STRAP: variants seen among roughly 807,000 people sequenced by gnomAD.
The protein encoded by STRAP is serine-threonine kinase receptor-associated protein.
STRAP carries 16 observed loss-of-function variants against 47.0 expected under a neutral mutation model. The ratio of observed to expected loss-of-function variants is 0.34; its 90% CI spans 0.23 to 0.52. STRAP has a LOEUF of 0.52. Among genes scored for constraint, STRAP ranks in the 20% least tolerant of loss-of-function variants. STRAP has a pLI of 0.96. For missense variants in STRAP, 293 were observed against 420.0 expected, an observed-to-expected ratio of 0.70 and a Z score of 2.64; for synonymous variants, 130 against 142.7, an observed-to-expected ratio of 0.91 and a Z score of 0.63.
Position 15,882,520 on chromosome 12 carries a change from G to A in STRAP, c.-188G>A, listed in dbSNP as rs1014589231. ...CGTCGACTGTTGCTTGCTGGTCGCA[G>A]ACTCCCTGACCCCTCCCTCACCCCT... On this transcript the variant is annotated 5_prime_UTR_variant, in exon 1 of 10. Transcript: ENST00000419869. 2 of 555,224 alleles carry A rather than the reference G, an allele frequency of 3.6e-6. No homozygotes were observed. Among genetic ancestry groups the A allele is most frequent in the African/African-American group, 3.8e-5 (2 of 52,466 alleles). 34.4% of individuals were successfully genotyped at this position (555,224 alleles called of 1,614,324 possible).
chr12:15,885,386 G>A (rs1192155740), intron 2 of STRAP, among the ~76,000 whole-genome samples: 3 of 151,174 alleles, frequency 2.0e-5, no homozygotes, highest in African/African-American at 4.9e-5. Context: ...ACGGGGTTTC[G>A]CCATGTTGGC....
intron 1 of STRAP, among the ~76,000 whole-genome samples, 179 bp from the exon 2 acceptor site, chr12:15,883,362 C>T (rs778565298): frequency 3.9e-5 from 6 of 152,202 alleles, no homozygotes; most frequent in Non-Finnish European, 5.9e-5. Flanking sequence ...ATGATCTGTT[C>T]AGCTCTTCAG....
At chr12:15,889,436 A>T (rs780803530) in intron 2 of STRAP, among the ~76,000 whole-genome samples, 1 of 148,702 alleles carries the variant, frequency 6.7e-6, no homozygotes, top group Non-Finnish European at 1.5e-5. Flanking sequence ...AATTTTACTT[A>T]GCCTGTACCA....
chr12:15,892,457 A>G, intron 4 of STRAP, among the ~76,000 whole-genome samples: 2 of 152,250 alleles, frequency 1.3e-5, no homozygotes, highest in East Asian at 3.9e-4. Context: ...CATGACAAAC[A>G]TAATTTTGTT....
In STRAP at chr12:15,888,024, A is replaced by G. The variant is rs1947985382; in HGVS notation, c.249-1904A>G. Among the ~76,000 whole-genome samples the G allele has an allele frequency of 2.0e-5, 3 of 152,364 alleles. No homozygotes were observed. In the South Asian group the frequency reaches 6.2e-4, roughly 32 times the overall value. Reference sequence around the variant, plus strand: ...CTAATACTTGTGAACCCTTACCACAACCATGAAATGCATTTCACTGTGATT... The same window carrying G: ...CTAATACTTGTGAACCCTTACCACAGCCATGAAATGCATTTCACTGTGATT... On this transcript the variant is annotated intron_variant, in intron 2 of 9. Transcript: ENST00000419869.
chr12:15,894,183 G>A lies in STRAP; in HGVS notation c.500+40G>A. The A allele has an allele frequency of 6.5e-7, 1 of 1,527,612 alleles. No individual in the cohort carries two copies. The highest frequency in any genetic ancestry group is 1.1e-5 in the South Asian group (1 of 89,062). The allele number at this position is 1,527,612 out of a possible 1,614,324, so 94.6% of individuals were successfully genotyped here. A position where few individuals can be genotyped will look rare whatever the true frequency, so the allele number is the denominator to read the frequency against. ...TTTAATAATTTACAATTTAAGGCCG[G>A]GCATGGTGGCTCACGCCTATAATCT... On this transcript the variant is annotated intron_variant, in intron 5 of 9. Coordinates refer to ENST00000419869, the MANE Select transcript of STRAP (RefSeq NM_007178.4). This position sits in a 1 kb window ranked among gnomAD's most constrained non-coding sequence, Gnocchi z 4.9.
At chr12:15,892,213 A>C in intron 4 of STRAP, among the ~76,000 whole-genome samples, 1 of 151,942 alleles carries the variant, frequency 6.6e-6, no homozygotes, top group Non-Finnish European at 1.5e-5. Flanking sequence ...CTGTTGTGTT[A>C]TTCATGTTTT....
chr12:15,891,669 G>A lies in STRAP; in HGVS notation c.403+1000G>A, dbSNP rs967970453. Reference sequence around the variant, plus strand: ...TGGAATTGTTGGAAGGTGGCCGGGCGCAGTGGCTCACGCCTGTAATCCCAG... The same window carrying A: ...TGGAATTGTTGGAAGGTGGCCGGGCACAGTGGCTCACGCCTGTAATCCCAG... On this transcript the variant is annotated intron_variant, in intron 4 of 9. Transcript: ENST00000419869. Among the ~76,000 whole-genome samples, 7 of 152,326 alleles carry A rather than the reference G, an allele frequency of 4.6e-5. No homozygotes were observed. In the South Asian group the frequency reaches 1.4e-3, roughly 32 times the overall value.
rs1393846141 is a variant in STRAP at position 15,894,128 on chromosome 12, A to G, written c.485A>G (p.Asp162Gly). ...CSEDKQILSADDKTVRLWDHA... is the reference protein window; with the variant it reads ...CSEDKQILSAGDKTVRLWDHA... ...GAGGATAAACAGATTCTTTCTGCTG[A>G]TGACAAAACTGTTCGGTAAGTAATT... Residue 162 changes from aspartate to glycine, a missense_variant, in exon 5 of 10, where the codon GAT becomes GGT. Around this residue, in one of 5 missense-constraint regions of STRAP, gnomAD observed 152 missense variants for 183.0 expected, o/e 0.83. Coordinates refer to ENST00000419869, the MANE Select transcript of STRAP (RefSeq NM_007178.4). This position sits in a 1 kb window ranked among gnomAD's most constrained non-coding sequence, Gnocchi z 4.9. 6.2e-7 allele frequency: 1 copy of G among 1,613,124 alleles called. No homozygotes were observed. The highest frequency in any genetic ancestry group is 8.5e-7 in the Non-Finnish European group (1 of 1,179,590).
Position 15,882,460 on chromosome 12 carries a change from C to G in STRAP, c.-248C>G, listed in dbSNP as rs1004170607. The G allele has an allele frequency of 3.8e-6, 2 of 532,936 alleles. No homozygotes were observed. The highest frequency in any genetic ancestry group is 1.9e-5 in the African/African-American group (1 of 52,094). The allele number at this position is 532,936 out of a possible 1,614,324, so 33.0% of individuals were successfully genotyped here. A position where few individuals can be genotyped will look rare whatever the true frequency, so the allele number is the denominator to read the frequency against. ...GGCCCGGTTCTCCGCTTCTCCCCAT[C>G]CCCTACTTTCCTCCCTCCCTCCCTT... On this transcript the variant is annotated 5_prime_UTR_variant, in exon 1 of 10. In the 5' UTR this introduces an upstream ATG that the reference lacks. Coordinates refer to ENST00000419869, the MANE Select transcript of STRAP (RefSeq NM_007178.4).
In STRAP at chr12:15,901,860, C is replaced by CA. The variant is rs71042273; in HGVS notation, c.991+868dup. 3.0e-3 allele frequency among the ~76,000 whole-genome samples: 260 copies of CA among 87,588 alleles called. 2 individuals are homozygous for CA. The highest frequency in any genetic ancestry group is 5.4e-3 in the African/African-American group (124 of 22,950). 57.5% of individuals were successfully genotyped at this position (87,588 alleles called of 152,430 possible). On this transcript the variant is annotated intron_variant, in intron 9 of 9. Coordinates refer to ENST00000419869, the MANE Select transcript of STRAP (RefSeq NM_007178.4). ...TGGGTGTCAGAGAGAGACTCTGTCT[C>CA]AAAAAAAAAAAAAAAAAAAAGGTTG... is the stretch of plus-strand genomic sequence containing the variant.
intron 1 of STRAP, 135 bp downstream of exon 1, chr12:15,882,954 A>C: frequency 7.4e-7 from 1 of 1,349,130 alleles, no homozygotes; most frequent in Non-Finnish European, 1.0e-6. Context: ...ATGAGAGCCA[A>C]CACTGGTCCG....
chr12:15,883,738 A>G lies in STRAP; in HGVS notation c.248+62A>G. 7.6e-6 allele frequency: 12 copies of G among 1,585,192 alleles called. 1 individual carries two copies. In the South Asian group the frequency reaches 1.0e-4, roughly 14 times the overall value. ...TGTAGCTTGTGTCCTGAAATAATCA[A>G]AAACTTCAGTGTCAGATATTCATAA... On this transcript the variant is annotated intron_variant, in intron 2 of 9. Transcript: ENST00000419869.
Position 15,888,626 on chromosome 12 carries a change from CCTT to C in STRAP, c.249-1298_249-1296del, listed in dbSNP as rs1166391473. 3.3e-5 allele frequency among the ~76,000 whole-genome samples: 5 copies of C among 152,178 alleles called. No individual in the cohort carries two copies. The East Asian group carries it at 9.6e-4, about 29-fold the overall frequency. Reference sequence around the variant, plus strand: ...TTAATGCTTATCTAGAATAGCCTTCCCTTCTTTTTCCCCTGATATATTTCTCTT... The same window carrying C: ...TTAATGCTTATCTAGAATAGCCTTCCCTTTTTCCCCTGATATATTTCTCTT... On this transcript the variant is annotated intron_variant, in intron 2 of 9. Coordinates refer to ENST00000419869, the MANE Select transcript of STRAP (RefSeq NM_007178.4).
At chr12:15,893,094 T>C (rs1284460389) in intron 4 of STRAP, among the ~76,000 whole-genome samples, 4 of 152,202 alleles carry the variant, frequency 2.6e-5, no homozygotes, top group African/African-American at 4.8e-5. Context: ...TTGCCTCCAG[T>C]GTCTGCTTTT....
At chr12:15,901,191 A>G (rs1257279182) in intron 9 of STRAP, among the ~76,000 whole-genome samples, 179 bp downstream of exon 9, 2 of 152,212 alleles carry the variant, frequency 1.3e-5, no homozygotes, top group African/African-American at 4.8e-5. Flanking sequence ...TTAAATACCT[A>G]CTGCATAGTA....
chr12:15,882,655 A>G lies in STRAP; in HGVS notation c.-53A>G. 1.3e-6 allele frequency: 2 copies of G among 1,491,168 alleles called. No homozygotes were observed. Among genetic ancestry groups the G allele is most frequent in the Non-Finnish European group, 1.8e-6 (2 of 1,092,376 alleles). 92.4% of individuals were successfully genotyped at this position (1,491,168 alleles called of 1,614,324 possible). On this transcript the variant is annotated 5_prime_UTR_variant, in exon 1 of 10. Transcript: ENST00000419869. ...CGAGGCACTGCAGCAGAAGAGAGAA[A>G]AGACAACGACGACCCTCAGCTCGCC...
intron 4 of STRAP, among the ~76,000 whole-genome samples, chr12:15,893,099 G>A (rs899122391): frequency 6.6e-6 from 1 of 152,174 alleles, no homozygotes; most frequent in Admixed American, 6.6e-5. Context: ...TCCAGTGTCT[G>A]CTTTTGCCCC....
chr12:15,899,833 A>AT (rs3830193), intron 7 of STRAP, 71 bp from the exon 8 acceptor site: 18,676 of 1,151,928 alleles, frequency 0.016, 3 homozygotes, highest in East Asian at 0.049. Flanking sequence ...CACAGACAGT[A>AT]TTTTTTTTTT....
Sources: gnomAD v4.1 joint callset for allele counts (sites outside exome capture counted in the v4.1 genomes callset) on GRCh38, gnomAD v4.1.1 for gene constraint, gnomAD v4.1.1 regional missense constraint, Gnocchi (gnomAD v3.1) non-coding constraint, MANE v1.5 for transcripts, NCBI Gene and HGNC (gene_info 2026-07-23, HGNC 2026-07-21) for gene names.